Variants in CLASP1 observed in about 807,000 individuals in gnomAD.
CLASP1 encodes cytoplasmic linker associated protein 1.
CLASP1 carries 38 observed loss-of-function variants against 192.3 expected under a neutral mutation model. The observed-to-expected ratio is 0.20, with a 90% CI of 0.15 to 0.26. The LOEUF (loss-of-function observed/expected upper bound fraction) is 0.26. Among genes scored for constraint, CLASP1 ranks in the 10% least tolerant of loss-of-function variants. CLASP1 has a pLI of 1.00. For missense variants in CLASP1, 1,433 were observed against 1,932.5 expected, an observed-to-expected ratio of 0.74 and a Z score of 4.85; for synonymous variants, 691 against 712.8, an observed-to-expected ratio of 0.97 and a Z score of 0.49.
At position 121,599,525 on chromosome 2, in the gene CLASP1, T is replaced by C. The variant is rs2063542685; in HGVS notation, c.195+6176A>G. 1.5e-5 allele frequency among the ~76,000 whole-genome samples: 2 copies of C among 136,848 alleles called. 1 individual carries two copies. The highest frequency in any genetic ancestry group is 8.7e-3 in the Middle Eastern group (2 of 230). 89.8% of individuals were successfully genotyped at this position (136,848 alleles called of 152,430 possible). On this transcript the variant is annotated intron_variant, in intron 2 of 39. Coordinates refer to ENST00000263710, the Ensembl canonical transcript of CLASP1. ...ATCACTTGAACCCAGGAGGTGGAGG[T>C]TGCATTGAGCCTAGATTGCACCACT...
intron 30 of CLASP1, 34 bp from the exon 32 acceptor site, chr2:121,387,940 G>A: frequency 6.7e-7 from 1 of 1,490,744 alleles, no homozygotes; most frequent in Non-Finnish European, 9.2e-7. Flanking sequence ...TTTATGTAAT[G>A]TACAATAGGT....
At chr2:121,377,358 T>C (rs953861761) in intron 34 of CLASP1, 141 bp downstream of exon 35, 5 of 651,408 alleles carry the variant, frequency 7.7e-6, no homozygotes, top group Non-Finnish European at 1.0e-5. Context: ...ACATGTCAAC[T>C]AAAACTAAAA....
chr2:121,575,861 T>A (rs999734674), intron 2 of CLASP1, among the ~76,000 whole-genome samples: 1 of 152,152 alleles, frequency 6.6e-6, no homozygotes, highest in Non-Finnish European at 1.5e-5. Context: ...TTACAGGGCT[T>A]CACATTATGA....
chr2:121,646,423 T>C (rs1038272892), intron 1 of CLASP1, among the ~76,000 whole-genome samples: 3 of 152,234 alleles, frequency 2.0e-5, no homozygotes, highest in Admixed American at 1.3e-4. Flanking sequence ...TCTTGTTTTC[T>C]AGGAAATCTG....
At chr2:121,593,246 A>G (rs1271847676) in intron 2 of CLASP1, among the ~76,000 whole-genome samples, 2 of 152,200 alleles carry the variant, frequency 1.3e-5, no homozygotes, top group Non-Finnish European at 2.9e-5. Context: ...GACGAACTAC[A>G]CACAGTAAGG....
At chr2:121,539,872 C>A (rs1243908917) in intron 2 of CLASP1, among the ~76,000 whole-genome samples, 1 of 152,160 alleles carries the variant, frequency 6.6e-6, no homozygotes, top group Non-Finnish European at 1.5e-5. Context: ...TGTTCAATTT[C>A]TACTAGTCAT....
At chr2:121,611,328 A>G (rs1192740460) in intron 1 of CLASP1, among the ~76,000 whole-genome samples, 241 of 54,600 alleles carry the variant, frequency 4.4e-3, no homozygotes, top group Non-Finnish European at 4.7e-3. Context: ...TGGAGGAGGA[A>G]GAGGAGTTAC....
chr2:121,448,000 C>G (rs2084686324), intron 18 of CLASP1, among the ~76,000 whole-genome samples: 1 of 152,302 alleles, frequency 6.6e-6, no homozygotes, highest in South Asian at 2.1e-4. Context: ...ACAGGAGGTA[C>G]AGTTTGTGGC....
intron 2 of CLASP1, among the ~76,000 whole-genome samples, chr2:121,551,615 TA>T (rs1187775820): frequency 6.6e-6 from 1 of 151,782 alleles, no homozygotes; most frequent in Non-Finnish European, 1.5e-5. Context: ...ACAAAAAGAA[TA>T]AAACACCTAG....
chr2:121,421,823 G>A (rs773436238), intron 22 of CLASP1, among the ~76,000 whole-genome samples: 44 of 152,308 alleles, frequency 2.9e-4, no homozygotes, highest in Middle Eastern at 3.4e-3. Flanking sequence ...GATTACAGGC[G>A]TGAGCCACTG....
chr2:121,546,374 C>T (rs978167915), intron 2 of CLASP1, among the ~76,000 whole-genome samples: 4 of 150,934 alleles, frequency 2.7e-5, no homozygotes, highest in East Asian at 3.9e-4. Flanking sequence ...GCAGCTCTCA[C>T]GAGAGGAGCG....
At chr2:121,458,489 G>C (rs1011742467) in intron 13 of CLASP1, among the ~76,000 whole-genome samples, 4 of 152,140 alleles carry the variant, frequency 2.6e-5, no homozygotes, top group African/African-American at 9.7e-5. Flanking sequence ...ACCTAAAACG[G>C]AAGGACTGGG....
At chr2:121,547,532 C>T (rs1040316740) in intron 2 of CLASP1, among the ~76,000 whole-genome samples, 1 of 152,058 alleles carries the variant, frequency 6.6e-6, no homozygotes, top group Non-Finnish European at 1.5e-5. Flanking sequence ...AAATGACCCT[C>T]GGCCACAACC....
intron 39 of CLASP1, among the ~76,000 whole-genome samples, chr2:121,344,022 G>A (rs1364616909): frequency 6.6e-6 from 1 of 151,968 alleles, no homozygotes; most frequent in Non-Finnish European, 1.5e-5. Flanking sequence ...AGTGAGCCAA[G>A]ATCACGTCAC....
chr2:121,392,216 T>C (rs1383069081), intron 30 of CLASP1, among the ~76,000 whole-genome samples: 1 of 152,204 alleles, frequency 6.6e-6, no homozygotes, highest in Admixed American at 6.5e-5. Context: ...TAAGCAAACA[T>C]ACAGGCATTT....
chr2:121,545,291 G>A (rs1287081651), intron 2 of CLASP1, among the ~76,000 whole-genome samples: 1 of 152,132 alleles, frequency 6.6e-6, no homozygotes, highest in East Asian at 1.9e-4. Context: ...ATACAAAGCT[G>A]ATGGTCCAAA....
chr2:121,384,518 T>C (rs1390622818), intron 32 of CLASP1, among the ~76,000 whole-genome samples: 2 of 152,126 alleles, frequency 1.3e-5, no homozygotes, highest in African/African-American at 4.8e-5. Context: ...ATTATCAGAT[T>C]TATCATTTTA....
At chr2:121,430,101 A>G (rs1473955793) in exon 20 of CLASP1, 1 of 1,573,174 alleles carries the variant, frequency 6.4e-7, no homozygotes, top group South Asian at 1.2e-5. Flanking sequence ...CTTTAGCGCG[A>G]CTGCGGCCCC....
intron 2 of CLASP1, among the ~76,000 whole-genome samples, chr2:121,549,124 C>A (rs552887532): frequency 8.5e-5 from 13 of 152,288 alleles, no homozygotes; most frequent in African/African-American, 2.9e-4. Context: ...AATGCCCCCA[C>A]ATAAAAGGCA....
Sources: gnomAD v4.1 joint callset for allele counts (sites outside exome capture counted in the v4.1 genomes callset) on GRCh38, gnomAD v4.1.1 for gene constraint, MANE v1.5 for transcripts, NCBI Gene and HGNC (gene_info 2026-07-23, HGNC 2026-07-21) for gene names.